SERINC1: variants seen among roughly 807,000 people sequenced by gnomAD.
SERINC1 encodes the protein serine incorporator 1.
In SERINC1, 38 loss-of-function variants were observed where a neutral mutation model predicts 52.9. That is an observed-to-expected ratio of 0.72 (90% CI 0.55 to 0.94). The LOEUF (loss-of-function observed/expected upper bound fraction) is 0.94, where lower values mean the gene tolerates loss of function less well. SERINC1 is among the 40% of genes least tolerant of loss of function. The probability of loss-of-function intolerance (pLI) is 0.00; values close to 1 mark genes in which losing one functional copy is unlikely to be tolerated. For synonymous variants in SERINC1, 198 were observed against 183.1 expected, an observed-to-expected ratio of 1.08 and a Z score of -0.66; for missense variants, 471 against 533.9, an observed-to-expected ratio of 0.88 and a Z score of 1.16.
intron 3 of SERINC1, 68 bp downstream of exon 3, chr6:122,456,413 G>C (rs756275382): frequency 4.7e-5 from 46 of 968,452 alleles, no homozygotes; most frequent in Admixed American, 1.2e-4. Flanking sequence ...AAGTTTCCTT[G>C]GATAAACTGG....
chr6:122,460,643 A>G (rs985305198), intron 1 of SERINC1, among the ~76,000 whole-genome samples: 6 of 152,206 alleles, frequency 3.9e-5, no homozygotes, highest in African/African-American at 1.4e-4. Flanking sequence ...TTTGAAAATA[A>G]AAGTATATCC....
intron 1 of SERINC1, among the ~76,000 whole-genome samples, chr6:122,470,426 C>T (rs962892143): frequency 2.6e-5 from 4 of 152,162 alleles, no homozygotes; most frequent in Non-Finnish European, 5.9e-5. Flanking sequence ...TACGACATTA[C>T]AAATTGAATT....
intron 9 of SERINC1, among the ~76,000 whole-genome samples, chr6:122,446,066 T>A (rs1201981483): frequency 8.5e-5 from 13 of 152,158 alleles, no homozygotes; most frequent in African/African-American, 3.1e-4. Context: ...TTACAATTTG[T>A]TTATTAATAT....
intron 9 of SERINC1, among the ~76,000 whole-genome samples, chr6:122,446,491 T>A (rs1221124170): frequency 1.3e-5 from 2 of 151,850 alleles, no homozygotes; most frequent in Non-Finnish European, 2.9e-5. Flanking sequence ...AAAAAAAAAA[T>A]GTTAGATCCA....
intron 9 of SERINC1, 105 bp downstream of exon 9, chr6:122,446,669 A>G (rs1774809175): frequency 2.8e-6 from 2 of 702,998 alleles, no homozygotes; most frequent in South Asian, 3.7e-5. Flanking sequence ...ATTTTGAAAT[A>G]TATCAGAGGA....
At chr6:122,456,695 A>C in intron 2 of SERINC1, 45 bp from the exon 3 acceptor site, 1 of 1,415,572 alleles carries the variant, frequency 7.1e-7, no homozygotes, top group East Asian at 2.4e-5. Context: ...TTTTTCATTA[A>C]GTAAAAATAA....
At chr6:122,449,961 C>T (rs80213866) in intron 7 of SERINC1, among the ~76,000 whole-genome samples, 215 of 152,232 alleles carry the variant, frequency 1.4e-3, no homozygotes, top group African/African-American at 4.6e-3. Context: ...TTGCAGTGAA[C>T]GGGGATTGTG....
At chr6:122,470,843 CT>C (rs1270197410) in intron 1 of SERINC1, among the ~76,000 whole-genome samples, 1 of 152,062 alleles carries the variant, frequency 6.6e-6, no homozygotes, top group African/African-American at 2.4e-5. Flanking sequence ...ATTAACTGCA[CT>C]GCCAATGTTT....
At chr6:122,456,823 G>GA (rs771735511) in intron 2 of SERINC1, among the ~76,000 whole-genome samples, 173 bp from the exon 3 acceptor site, 3 of 151,972 alleles carry the variant, frequency 2.0e-5, no homozygotes, top group East Asian at 1.9e-4. Context: ...ATACAGTGGG[G>GA]AAAAAAGAGT....
At chr6:122,460,897 T>A (rs1328739756) in intron 1 of SERINC1, among the ~76,000 whole-genome samples, 2 of 152,066 alleles carry the variant, frequency 1.3e-5, no homozygotes, top group Non-Finnish European at 2.9e-5. Context: ...TAATTTAAAA[T>A]TAAGACCCAT....
chr6:122,455,752 G>A (rs1774981940), intron 3 of SERINC1, among the ~76,000 whole-genome samples: 1 of 152,130 alleles, frequency 6.6e-6, no homozygotes, highest in Non-Finnish European at 1.5e-5. Flanking sequence ...AAATGAGAAT[G>A]TTAGTTCCAT....
At chr6:122,458,752 G>C in intron 1 of SERINC1, 71 bp from the exon 2 acceptor site, 1 of 1,054,990 alleles carries the variant, frequency 9.5e-7, no homozygotes, top group Non-Finnish European at 1.4e-6. Context: ...ATGATACAAT[G>C]AAAATTGACA....
intron 7 of SERINC1, among the ~76,000 whole-genome samples, chr6:122,451,096 T>A (rs1430778332): frequency 6.6e-6 from 1 of 152,074 alleles, no homozygotes; most frequent in African/African-American, 2.4e-5. Context: ...AAATATTTTG[T>A]GAAAGGAGGA....
chr6:122,462,469 A>T (rs1372884288), intron 1 of SERINC1, among the ~76,000 whole-genome samples: 2 of 152,132 alleles, frequency 1.3e-5, no homozygotes, highest in Non-Finnish European at 2.9e-5. Context: ...AGAAAATCCC[A>T]AAGAGGGCCA....
At chr6:122,445,838 C>G (rs1398977284) in intron 9 of SERINC1, among the ~76,000 whole-genome samples, 2 of 128,244 alleles carry the variant, frequency 1.6e-5, no homozygotes, top group African/African-American at 6.0e-5. Context: ...GAGCTGAGAT[C>G]AAGCCACTGC....
intron 2 of SERINC1, among the ~76,000 whole-genome samples, chr6:122,457,215 T>G (rs1218805407): frequency 6.6e-6 from 1 of 152,134 alleles, no homozygotes; most frequent in African/African-American, 2.4e-5. Context: ...CCTATACATT[T>G]TCTTTGTTCT....
intron 7 of SERINC1, among the ~76,000 whole-genome samples, chr6:122,448,403 T>C (rs903253979): frequency 1.3e-5 from 2 of 152,218 alleles, no homozygotes; most frequent in Non-Finnish European, 2.9e-5. Context: ...CTACAGTTTG[T>C]AAACTCAATG....
At chr6:122,456,112 A>G (rs977588823) in intron 3 of SERINC1, among the ~76,000 whole-genome samples, 1 of 152,158 alleles carries the variant, frequency 6.6e-6, no homozygotes, top group African/African-American at 2.4e-5. Flanking sequence ...TGTCCAATAC[A>G]ACCAACCTAG....
intron 3 of SERINC1, among the ~76,000 whole-genome samples, chr6:122,455,241 G>C (rs1387315712): frequency 6.6e-6 from 1 of 152,122 alleles, no homozygotes; most frequent in African/African-American, 2.4e-5. Context: ...AACTTGATTG[G>C]ATTGAAGGGT....
Sources: gnomAD v4.1 joint callset for allele counts (sites outside exome capture counted in the v4.1 genomes callset) on GRCh38, gnomAD v4.1.1 for gene constraint, MANE v1.5 for transcripts, NCBI Gene and HGNC (gene_info 2026-07-23, HGNC 2026-07-21) for gene names.